The following ADGRV1 variants were observed in gnomAD, a reference collection of about 807,000 sequenced individuals.
ADGRV1 encodes the protein adhesion G protein-coupled receptor V1.
ADGRV1 carries 359 observed loss-of-function variants against 596.2 expected under a neutral mutation model. The ratio of observed to expected loss-of-function variants is 0.60; its 90% CI spans 0.55 to 0.66. The LOEUF (loss-of-function observed/expected upper bound fraction) is 0.66. Among genes scored for constraint, ADGRV1 ranks in the 30% least tolerant of loss-of-function variants. The pLI, the probability that ADGRV1 is intolerant of heterozygous loss-of-function variation, is 0.00. For missense variants in ADGRV1, 7,274 were observed against 7,575.6 expected (o/e 0.96, Z 1.48); for synonymous variants, 2,681 against 2,679.2 (o/e 1.00, Z -0.02).
chr5:90,996,369 G>A (rs1035071171), intron 85 of ADGRV1, among the ~76,000 whole-genome samples: 5 of 152,288 alleles, frequency 3.3e-5, no homozygotes, highest in Non-Finnish European at 5.9e-5. Flanking sequence ...TCAGGCCACC[G>A]CTCCAGGGGG....
rs1433711029 is a variant in ADGRV1 at position 90,653,566 on chromosome 5, C to G, written c.3992C>G (p.Thr1331Ser). 2 of 1,613,858 alleles carry G rather than the reference C, an allele frequency of 1.2e-6. No individual in the cohort carries two copies. Among genetic ancestry groups the G allele is most frequent in the Non-Finnish European group, 1.7e-6 (2 of 1,179,868 alleles). Reference sequence around the variant, plus strand: ...AGTGGAACGGATGCTTTGTACTTTACCGGACTAGAGGGTGCATTTGGGACT... The same window carrying G: ...AGTGGAACGGATGCTTTGTACTTTAGCGGACTAGAGGGTGCATTTGGGACT... The part of the protein sequence containing the change: ...HHSGTDALYF[T>S]GLEGAFGTVN... The change falls in exon 20 of 90, where the codon ACC (threonine) becomes AGC (serine). Residue 1331 changes from threonine (T) to serine (S), a missense_variant. Thr to Ser is a moderately conservative substitution (Grantham distance 58). This residue lies in a region of ADGRV1 where 1,715 missense variants were observed against 1,708.8 expected (regional missense o/e 1.00). Coordinates refer to ENST00000405460, the MANE Select transcript of ADGRV1 (RefSeq NM_032119.4).
intron 88 of ADGRV1, among the ~76,000 whole-genome samples, chr5:91,151,323 G>C (rs543464677): frequency 3.3e-5 from 5 of 152,252 alleles, no homozygotes; most frequent in Admixed American, 1.3e-4. Context: ...TTTATATACA[G>C]AATTATTAAC....
At chr5:90,978,524 G>T (rs78162099) in intron 84 of ADGRV1, among the ~76,000 whole-genome samples, 2 of 151,806 alleles carry the variant, frequency 1.3e-5, no homozygotes, top group South Asian at 4.1e-4. Flanking sequence ...GCACAACAGG[G>T]TGATTGTGCT....
chr5:90,882,256 C>G (rs999126846), intron 83 of ADGRV1, among the ~76,000 whole-genome samples: 1 of 152,160 alleles, frequency 6.6e-6, no homozygotes, highest in African/African-American at 2.4e-5. Context: ...GTAGTTTTCA[C>G]AAACCTTTTC....
chr5:90,619,477 A>G (rs1763770667), intron 4 of ADGRV1, among the ~76,000 whole-genome samples: 1 of 151,846 alleles, frequency 6.6e-6, no homozygotes. Flanking sequence ...TATACCACCC[A>G]TTGCCTTTTC....
At chr5:90,900,813 C>T (rs1771768923) in intron 83 of ADGRV1, among the ~76,000 whole-genome samples, 1 of 152,054 alleles carries the variant, frequency 6.6e-6, no homozygotes, top group South Asian at 2.1e-4. Context: ...AGACTTCCAC[C>T]CAGCAATGCT....
At chr5:90,629,025 T>A in intron 8 of ADGRV1, 185 bp from the exon 9 acceptor site, 1 of 670,636 alleles carries the variant, frequency 1.5e-6, no homozygotes. Context: ...TTCCACAAAC[T>A]GTGATTTAGG....
At chr5:91,002,816 G>A (rs979255041) in intron 85 of ADGRV1, among the ~76,000 whole-genome samples, 4 of 151,970 alleles carry the variant, frequency 2.6e-5, no homozygotes, top group Non-Finnish European at 4.4e-5. Flanking sequence ...TTCAAATATA[G>A]AGCCTAATTT....
intron 83 of ADGRV1, among the ~76,000 whole-genome samples, chr5:90,898,218 C>T (rs1033350572): frequency 3.9e-5 from 6 of 152,130 alleles, no homozygotes; most frequent in African/African-American, 1.4e-4. Flanking sequence ...TCATGTTTGA[C>T]TATTTGGTGC....
intron 87 of ADGRV1, among the ~76,000 whole-genome samples, chr5:91,117,859 A>G (rs1299751738): frequency 6.6e-6 from 1 of 152,158 alleles, no homozygotes; most frequent in Non-Finnish European, 1.5e-5. Flanking sequence ...TCAAAAAGTG[A>G]GAATAATAAT....
At chr5:90,703,599 T>C in intron 34 of ADGRV1, 66 bp from the exon 35 acceptor site, 1 of 1,229,450 alleles carries the variant, frequency 8.1e-7, no homozygotes, top group Non-Finnish European at 1.1e-6. Context: ...ATTTGGGTTT[T>C]GTTGAGTTCA....
intron 21 of ADGRV1, among the ~76,000 whole-genome samples, chr5:90,664,536 A>G (rs200206902): frequency 0.14 from 19,029 of 133,818 alleles, 1,572 homozygotes; most frequent in East Asian, 0.4. Context: ...GGTTTTCTAG[A>G]TATACAATCA....
chr5:90,912,648 A>G (rs1202375427), intron 83 of ADGRV1, among the ~76,000 whole-genome samples: 1 of 152,162 alleles, frequency 6.6e-6, no homozygotes, highest in Non-Finnish European at 1.5e-5. Context: ...TTGGTTCTCC[A>G]TACCATGGAG....
chr5:90,671,940 A>G lies in ADGRV1; in HGVS notation c.4753-606A>G, dbSNP rs539482745. Among the ~76,000 whole-genome samples the G allele has an allele frequency of 2.4e-4, 36 of 152,342 alleles. No homozygotes were observed. The South Asian group carries it at 3.9e-3, about 17-fold the overall frequency. On this transcript the variant is annotated intron_variant, in intron 21 of 89. Coordinates refer to ENST00000405460, the MANE Select transcript of ADGRV1 (RefSeq NM_032119.4). ...GATAAAAACACCAACAAATATATTA[A>G]GCATGGTATAAGATGCCCTCTTTGA...
rs1010063079 is a variant in ADGRV1 at position 90,750,635 on chromosome 5, C to T, written c.11059C>T (p.Arg3687Cys). 4 of 1,611,616 alleles carry T rather than the reference C, an allele frequency of 2.5e-6. No individual in the cohort carries two copies. Among genetic ancestry groups the T allele is most frequent in the Non-Finnish European group, 3.4e-6 (4 of 1,177,992 alleles). ...NVERLKGTYG[R>C]ITIAWEADGS... is the part of the protein sequence containing the mutation. ...TGAACGCTTAAAAGGAACATATGGCCGTATAACCATAGCATGGGAAGCTGA... is the reference window on the plus strand; with the variant it reads ...TGAACGCTTAAAAGGAACATATGGCTGTATAACCATAGCATGGGAAGCTGA... Residue 3687 changes from arginine (R) to cysteine (C), a missense_variant, in exon 53 of 90, where the codon CGT becomes TGT. Arg to Cys is a radical substitution (Grantham distance 180). Transcript: ENST00000405460.
At chr5:90,927,575 T>G (rs2150777247) in intron 83 of ADGRV1, among the ~76,000 whole-genome samples, 1 of 152,276 alleles carries the variant, frequency 6.6e-6, no homozygotes, top group Non-Finnish European at 1.5e-5. Flanking sequence ...TGATGGGTCC[T>G]GACTCTATCC....
intron 85 of ADGRV1, among the ~76,000 whole-genome samples, chr5:91,057,839 G>A (rs2151333870): frequency 6.6e-6 from 1 of 152,176 alleles, no homozygotes; most frequent in East Asian, 1.9e-4. Context: ...TTTGTATTAT[G>A]CAAAAATGTT....
At chr5:90,886,607 C>T (rs945358123) in intron 83 of ADGRV1, among the ~76,000 whole-genome samples, 8 of 152,146 alleles carry the variant, frequency 5.3e-5, no homozygotes, top group Non-Finnish European at 8.8e-5. Context: ...CTTTTATCTC[C>T]ACCGTAAACC....
intron 85 of ADGRV1, among the ~76,000 whole-genome samples, chr5:91,024,125 C>T (rs1783846717): frequency 6.6e-6 from 1 of 152,128 alleles, no homozygotes; most frequent in Non-Finnish European, 1.5e-5. Flanking sequence ...GATTGAGTTC[C>T]TCCTCTCTAA....
Sources: allele counts gnomAD v4.1 joint callset (sites outside exome capture counted in the v4.1 genomes callset), GRCh38; gene constraint gnomAD v4.1.1; regional missense constraint gnomAD v4.1.1; transcripts MANE v1.5; gene names NCBI Gene and HGNC (gene_info 2026-07-23, HGNC 2026-07-21).